Variants in FUT8 observed in about 807,000 individuals in gnomAD.
The protein encoded by FUT8 is alpha-(1,6)-fucosyltransferase.
FUT8 carries 29 observed loss-of-function variants against 71.3 expected under a neutral mutation model. That is an observed-to-expected ratio of 0.41 (90% confidence interval 0.30 to 0.55). The LOEUF (loss-of-function observed/expected upper bound fraction) is 0.55. Ranked by LOEUF, FUT8 falls within the 20% of genes least tolerant of loss-of-function variation. FUT8 has a pLI of 0.34. For missense variants in FUT8, 544 were observed against 702.1 expected (o/e 0.77, Z 2.55); for synonymous variants, 254 against 239.3 (o/e 1.06, Z -0.57).
At chr14:65,572,763 C>A (rs967398931) in intron 3 of FUT8, among the ~76,000 whole-genome samples, 1 of 152,120 alleles carries the variant, frequency 6.6e-6, no homozygotes, top group Non-Finnish European at 1.5e-5. Context: ...CAGTCCTTAA[C>A]ATGTATGCAC....
intron 7 of FUT8, among the ~76,000 whole-genome samples, chr14:65,711,114 A>G (rs1041864402): frequency 3.3e-5 from 5 of 152,190 alleles, no homozygotes; most frequent in Non-Finnish European, 5.9e-5. Flanking sequence ...CTGGGAATCT[A>G]ATTTCGACAT....
intron 1 of FUT8, among the ~76,000 whole-genome samples, chr14:65,440,613 A>G (rs1012596146): frequency 1.3e-5 from 2 of 152,034 alleles, no homozygotes; most frequent in African/African-American, 2.4e-5. Flanking sequence ...GTTGTACACA[A>G]TACATATGTG....
At chr14:65,520,375 T>C (rs1053270950) in intron 2 of FUT8, among the ~76,000 whole-genome samples, 1 of 152,148 alleles carries the variant, frequency 6.6e-6, no homozygotes, top group Non-Finnish European at 1.5e-5. Flanking sequence ...TATTATGACT[T>C]CTCATTTTCT....
intron 1 of FUT8, among the ~76,000 whole-genome samples, chr14:65,445,966 A>G: frequency 6.6e-6 from 1 of 152,224 alleles, no homozygotes. Context: ...CACTATAATC[A>G]TGTGCAAAGA....
At chr14:65,696,354 A>G (rs949859406) in intron 7 of FUT8, among the ~76,000 whole-genome samples, 1 of 152,160 alleles carries the variant, frequency 6.6e-6, no homozygotes, top group African/African-American at 2.4e-5. Flanking sequence ...TATTCTTTCA[A>G]AGGAATTCAA....
intron 2 of FUT8, among the ~76,000 whole-genome samples, chr14:65,484,567 G>A (rs145054983): frequency 7.2e-5 from 11 of 151,996 alleles, no homozygotes; most frequent in South Asian, 2.1e-4. Context: ...CCAGTTACTC[G>A]GGAGGCTGAG....
the FUT8 span, among the ~76,000 whole-genome samples, chr14:65,390,321 C>CAA: frequency 7.8e-4 from 57 of 73,408 alleles, no homozygotes; most frequent in East Asian, 5.4e-3. Context: ...GACTTCGTCT[C>CAA]AAAAAAAAAA....
intron 1 of FUT8, among the ~76,000 whole-genome samples, chr14:65,445,001 C>T (rs747875992): frequency 6.6e-6 from 1 of 151,992 alleles, no homozygotes; most frequent in East Asian, 1.9e-4. Context: ...GTCAGGAGTT[C>T]AAGATCAACC....
At chr14:65,542,865 C>G (rs1311645805) in intron 2 of FUT8, among the ~76,000 whole-genome samples, 1 of 152,126 alleles carries the variant, frequency 6.6e-6, no homozygotes, top group Non-Finnish European at 1.5e-5. Flanking sequence ...TCACTGCAAC[C>G]TCCGCTTCCT....
intron 2 of FUT8, among the ~76,000 whole-genome samples, chr14:65,537,200 C>T (rs963643295): frequency 6.6e-6 from 1 of 151,738 alleles, no homozygotes; most frequent in East Asian, 1.9e-4. Context: ...TTAGTGTTCT[C>T]CTGAATCTTG....
At chr14:65,368,607 C>T in the FUT8 span, among the ~76,000 whole-genome samples, 3 of 134,546 alleles carry the variant, frequency 2.2e-5, 1 homozygote, top group South Asian at 5.0e-4. Context: ...CTGCAAGCTC[C>T]GCCTTCCGGG....
the FUT8 span, among the ~76,000 whole-genome samples, chr14:65,403,182 G>C: frequency 6.6e-6 from 1 of 152,132 alleles, no homozygotes; most frequent in African/African-American, 2.4e-5. Flanking sequence ...TTCAGTGTCA[G>C]GCTCTGTTCT....
intron 7 of FUT8, among the ~76,000 whole-genome samples, chr14:65,719,719 A>T (rs747484279): frequency 6.6e-6 from 1 of 152,198 alleles, no homozygotes; most frequent in African/African-American, 2.4e-5. Flanking sequence ...CAGAGGTACT[A>T]CCTTTGTGGT....
rs1894347489 is a variant in FUT8, at chr14:65,702,397, T to G, written c.836-19378T>G. Among the ~76,000 whole-genome samples the G allele has an allele frequency of 2.0e-5, 3 of 151,736 alleles. 1 individual carries two copies. In the South Asian group the frequency reaches 6.2e-4, roughly 32 times the overall value. Reference sequence around the variant, plus strand: ...AGTACCTCATCACAACTTTGCGGATTAATTGAGATAATGCGTTGGAAACAT... The same window carrying G: ...AGTACCTCATCACAACTTTGCGGATGAATTGAGATAATGCGTTGGAAACAT... On this transcript the variant is annotated intron_variant, in intron 7 of 10. Coordinates refer to ENST00000673929, the MANE Select transcript of FUT8 (RefSeq NM_001371533.1).
At chr14:65,461,429 T>C (rs2065967682) in intron 2 of FUT8, among the ~76,000 whole-genome samples, 2 of 152,182 alleles carry the variant, frequency 1.3e-5, no homozygotes, top group African/African-American at 4.8e-5. Context: ...TAACTCAGTA[T>C]AGGGGACATG....
intron 2 of FUT8, among the ~76,000 whole-genome samples, chr14:65,559,769 A>G (rs1250150240): frequency 2.6e-5 from 4 of 152,096 alleles, no homozygotes; most frequent in African/African-American, 4.8e-5. Context: ...CATAAGATGA[A>G]AAGTAGGGGA....
intron 2 of FUT8, among the ~76,000 whole-genome samples, chr14:65,538,850 G>A (rs1884502575): frequency 6.6e-6 from 1 of 152,144 alleles, no homozygotes; most frequent in African/African-American, 2.4e-5. Flanking sequence ...AACCCTGGAG[G>A]TGGAGGTTGG....
the FUT8 span, among the ~76,000 whole-genome samples, chr14:65,364,557 GC>G: frequency 6.6e-6 from 1 of 152,158 alleles, no homozygotes; most frequent in Non-Finnish European, 1.5e-5. Context: ...ATCGTTCTCA[GC>G]ATTCTTTTGC....
At chr14:65,718,564 T>G (rs1194679413) in intron 7 of FUT8, among the ~76,000 whole-genome samples, 1 of 152,192 alleles carries the variant, frequency 6.6e-6, no homozygotes, top group Non-Finnish European at 1.5e-5. Context: ...ACCAGTGAGG[T>G]ACCTTCAGAT....
Sources: allele counts gnomAD v4.1 joint callset (sites outside exome capture counted in the v4.1 genomes callset), GRCh38; gene constraint gnomAD v4.1.1; transcripts MANE v1.5; gene names NCBI Gene and HGNC (gene_info 2026-07-23, HGNC 2026-07-21).